The following POLE2 variants were observed in gnomAD, a reference collection of about 807,000 sequenced individuals.
The protein encoded by POLE2 is DNA polymerase epsilon subunit 2.
A neutral mutation model predicts 79.4 loss-of-function variants in POLE2; 56 were observed. The observed-to-expected ratio is 0.71, with a 90% CI of 0.57 to 0.88. The LOEUF is 0.88. POLE2 is among the 40% of genes least tolerant of loss of function. POLE2 has a pLI of 0.00. For missense variants in POLE2, 598 were observed against 638.9 expected (o/e 0.94, Z 0.69); for synonymous variants, 212 against 214.0 (o/e 0.99, Z 0.08).
rs543143587 is a variant in POLE2 at position 49,664,614 on chromosome 14, A to G, written c.682+12T>C. 354 of 1,535,374 alleles carry G rather than the reference A, an allele frequency of 2.3e-4. 5 individuals carry two copies. In the South Asian group the frequency reaches 3.6e-3, roughly 16 times the overall value. On this transcript the variant is annotated intron_variant, in intron 9 of 18. Transcript: ENST00000216367. Reference sequence around the variant, plus strand: ...ATGAGAAGAAGGACAGTAACAAAGTATACTGACTTACCTTCTGCTAAGACA... The same window carrying G: ...ATGAGAAGAAGGACAGTAACAAAGTGTACTGACTTACCTTCTGCTAAGACA...
intron 15 of POLE2, among the ~76,000 whole-genome samples, chr14:49,651,757 C>T (rs531986460): frequency 1.2e-3 from 184 of 152,172 alleles, no homozygotes; most frequent in African/African-American, 4.2e-3. Flanking sequence ...GCCTAGAAGG[C>T]GGGCATATTA....
intron 3 of POLE2, among the ~76,000 whole-genome samples, chr14:49,678,408 A>G (rs932925127): frequency 7.9e-5 from 12 of 152,102 alleles, no homozygotes; most frequent in Non-Finnish European, 1.8e-4. Flanking sequence ...GATATGGTAC[A>G]TGGCTCTGTG....
intron 16 of POLE2, 61 bp downstream of exon 16, chr14:49,651,208 T>A (rs912482438): frequency 8.3e-6 from 6 of 723,698 alleles, no homozygotes; most frequent in Non-Finnish European, 1.5e-5. Flanking sequence ...TTAAGTGGCT[T>A]AATAAAATTT....
At chr14:49,664,499 T>A (rs556958013) in intron 9 of POLE2, 127 bp downstream of exon 9, 256 of 703,490 alleles carry the variant, frequency 3.6e-4, no homozygotes, top group South Asian at 7.0e-5. Context: ...CTAAGAGTTA[T>A]TTTGCCAAAA....
chr14:49,676,034 G>C (rs1192265636), intron 3 of POLE2, among the ~76,000 whole-genome samples: 2 of 152,198 alleles, frequency 1.3e-5, no homozygotes, highest in Non-Finnish European at 2.9e-5. Context: ...TTACAGGCCT[G>C]AGCCACCGCG....
intron 2 of POLE2, chr14:49,681,888 G>A (rs1272293898): frequency 6.6e-6 from 1 of 152,060 alleles, no homozygotes; most frequent in African/African-American, 2.4e-5. Context: ...CAAATGCCTT[G>A]AAGGAGTTCC....
At chr14:49,669,497 C>G (rs367563296) in intron 6 of POLE2, 27 bp downstream of exon 6, 2 of 1,097,212 alleles carry the variant, frequency 1.8e-6, no homozygotes, top group Admixed American at 1.8e-5. Context: ...ACTTATACCC[C>G]CTACATAACT....
intron 3 of POLE2, among the ~76,000 whole-genome samples, chr14:49,674,646 A>C (rs1339341423): frequency 6.6e-6 from 1 of 152,112 alleles, no homozygotes; most frequent in Non-Finnish European, 1.5e-5. Flanking sequence ...AGCTCACTGC[A>C]AGCTCCGCCT....
At chr14:49,656,221 G>A (rs1884660702) in intron 10 of POLE2, among the ~76,000 whole-genome samples, 1 of 152,046 alleles carries the variant, frequency 6.6e-6, no homozygotes, top group South Asian at 2.1e-4. Context: ...CGGGCGACGT[G>A]GCGGGCGCCT....
intron 7 of POLE2, among the ~76,000 whole-genome samples, chr14:49,665,472 T>C (rs886951621): frequency 1.3e-5 from 2 of 152,142 alleles, no homozygotes; most frequent in African/African-American, 2.4e-5. Context: ...GCCAACAGCA[T>C]GTCCAAGGGA....
intron 5 of POLE2, among the ~76,000 whole-genome samples, chr14:49,672,540 C>G (rs1292190868): frequency 2.6e-5 from 4 of 151,250 alleles, no homozygotes; most frequent in Admixed American, 6.6e-5. Flanking sequence ...GCTCTTGTTG[C>G]CCAGGCTGGA....
At chr14:49,650,212 A>C in intron 17 of POLE2, 53 bp downstream of exon 17, 1 of 922,332 alleles carries the variant, frequency 1.1e-6, no homozygotes, top group Non-Finnish European at 1.5e-6. Flanking sequence ...AAATTAAAAA[A>C]TGCACTCTAA....
chr14:49,660,749 A>G (rs527858201), intron 10 of POLE2, among the ~76,000 whole-genome samples: 4 of 152,098 alleles, frequency 2.6e-5, no homozygotes, highest in African/African-American at 9.7e-5. Flanking sequence ...AAATTAGCTG[A>G]GTGTGGTGGC....
intron 10 of POLE2, among the ~76,000 whole-genome samples, 174 bp downstream of exon 10, chr14:49,663,141 T>C (rs935704096): frequency 2.7e-4 from 41 of 152,252 alleles, no homozygotes; most frequent in African/African-American, 9.2e-4. Context: ...GCCAATCTGC[T>C]AGTTTTCACA....
intron 1 of POLE2, 116 bp downstream of exon 1, chr14:49,688,020 A>T: frequency 1.2e-6 from 1 of 809,272 alleles, no homozygotes. Flanking sequence ...TCTGAAATTT[A>T]AGGTCAAGCC....
At chr14:49,644,925 C>G (rs1210114737) in intron 18 of POLE2, among the ~76,000 whole-genome samples, 2 of 151,822 alleles carry the variant, frequency 1.3e-5, no homozygotes, top group Non-Finnish European at 2.9e-5. Context: ...GCCTGTGATC[C>G]CAGCTACTTG....
Position 49,672,465 on chromosome 14 carries a change from A to G in POLE2, c.417+1658T>C, listed in dbSNP as rs959740350. Among the ~76,000 whole-genome samples the G allele has an allele frequency of 2.7e-5, 4 of 146,648 alleles. No individual in the cohort carries two copies. The East Asian group carries it at 8.0e-4, about 29-fold the overall frequency. Reference sequence around the variant, plus strand: ...TCTTGTGCTTCTGCCATATAACACCATCCTCACCTGGCCCCCAAGTTCTAT... The same window carrying G: ...TCTTGTGCTTCTGCCATATAACACCGTCCTCACCTGGCCCCCAAGTTCTAT... On this transcript the variant is annotated intron_variant, in intron 5 of 18. Coordinates refer to ENST00000216367, the MANE Select transcript of POLE2 (RefSeq NM_002692.4).
intron 13 of POLE2, 183 bp from the exon 14 acceptor site, chr14:49,654,397 G>T: frequency 3.5e-6 from 2 of 571,176 alleles, no homozygotes; most frequent in Non-Finnish European, 6.2e-6. Flanking sequence ...TGATAGAAAA[G>T]TTCTATATCT....
At chr14:49,666,304 TA>T in intron 7 of POLE2, 25 bp downstream of exon 7, 1 of 1,221,056 alleles carries the variant, frequency 8.2e-7, no homozygotes, top group Admixed American at 2.3e-5. Context: ...AGGCCAAAAA[TA>T]AAAGTTTGAT....
Sources: allele counts gnomAD v4.1 joint callset (sites outside exome capture counted in the v4.1 genomes callset), GRCh38; gene constraint gnomAD v4.1.1; transcripts MANE v1.5; gene names NCBI Gene and HGNC (gene_info 2026-07-23, HGNC 2026-07-21).